UNC5C: variants seen among roughly 807,000 people sequenced by gnomAD.
The protein encoded by UNC5C is netrin receptor UNC5C.
UNC5C carries 47 observed loss-of-function variants against 99.8 expected under a neutral mutation model. The ratio of observed to expected loss-of-function variants is 0.47; its 90% CI spans 0.37 to 0.60. UNC5C has a LOEUF of 0.60. UNC5C is among the 20% of genes least tolerant of loss of function. The probability of loss-of-function intolerance (pLI) is 0.00; values close to 1 mark genes in which losing one functional copy is unlikely to be tolerated. For missense variants in UNC5C, 1,062 were observed against 1,165.9 expected (o/e 0.91, Z 1.30); for synonymous variants, 487 against 452.2 (o/e 1.08, Z -0.98).
chr4:95,504,946 T>C (rs1331829144), intron 1 of UNC5C, among the ~76,000 whole-genome samples: 1 of 152,128 alleles, frequency 6.6e-6, no homozygotes, highest in Non-Finnish European at 1.5e-5. Flanking sequence ...AAAACTTCTA[T>C]ATTTTTAAGG....
At chr4:95,468,659 T>G (rs371911627) in intron 1 of UNC5C, among the ~76,000 whole-genome samples, 6 of 152,266 alleles carry the variant, frequency 3.9e-5, no homozygotes, top group Middle Eastern at 3.4e-3. Context: ...TAATGTTCTC[T>G]CTATGGAGGT....
At chr4:95,425,899 A>G (rs555037868) in intron 1 of UNC5C, among the ~76,000 whole-genome samples, 6 of 152,234 alleles carry the variant, frequency 3.9e-5, no homozygotes, top group Admixed American at 3.9e-4. Context: ...TTAAATTTTT[A>G]TTATAACTTC....
At position 95,168,179 on chromosome 4, in the gene UNC5C, C is replaced by T. The variant is rs1429225484; in HGVS notation, c.*1055G>A. ...GACTCCTCAGAGGAGAAAGAAAGACCCTGCCTGAGCAAGCTGAAGGAACAG... is the reference window on the plus strand; with the variant it reads ...GACTCCTCAGAGGAGAAAGAAAGACTCTGCCTGAGCAAGCTGAAGGAACAG... On this transcript the variant is annotated 3_prime_UTR_variant, in exon 16 of 16. Transcript: ENST00000453304. 2 of 152,082 alleles carry T rather than the reference C, an allele frequency of 1.3e-5. No individual in the cohort carries two copies. The highest frequency in any genetic ancestry group is 2.4e-5 in the African/African-American group (1 of 41,414). The allele number at this position is 152,082 out of a possible 1,614,324, so 9.4% of individuals were successfully genotyped here. A position where few individuals can be genotyped will look rare whatever the true frequency, so the allele number is the denominator to read the frequency against.
chr4:95,433,122 G>A (rs959340397), intron 1 of UNC5C, among the ~76,000 whole-genome samples: 2 of 152,064 alleles, frequency 1.3e-5, no homozygotes, highest in Admixed American at 6.6e-5. Context: ...CAGGTACTGG[G>A]TGGACAGTTG....
intron 1 of UNC5C, among the ~76,000 whole-genome samples, chr4:95,516,498 A>G (rs558325234): frequency 8.1e-4 from 123 of 152,278 alleles, no homozygotes; most frequent in African/African-American, 2.8e-3. Flanking sequence ...TTCAGATTAC[A>G]AAGACCAAAT....
chr4:95,380,304 G>T (rs1313160567), intron 1 of UNC5C, among the ~76,000 whole-genome samples: 1 of 152,080 alleles, frequency 6.6e-6, no homozygotes, highest in Admixed American at 6.6e-5. Flanking sequence ...AAAAGTCAAG[G>T]TGATCAGTTT....
intron 1 of UNC5C, among the ~76,000 whole-genome samples, chr4:95,352,557 G>A (rs931989032): frequency 1.3e-5 from 2 of 151,964 alleles, no homozygotes; most frequent in African/African-American, 4.8e-5. Flanking sequence ...AAGCTTTATG[G>A]GATCAGAAAC....
rs1365638204 is a variant in UNC5C, at chr4:95,165,535, T to C, written c.*3699A>G. ...GCCAGTTATCAATTCTGAATCCAAC[T>C]TCTATTCCTTCCAGATACATTAAGG... is the stretch of plus-strand genomic sequence containing the variant. On this transcript the variant is annotated 3_prime_UTR_variant, in exon 16 of 16. Coordinates refer to ENST00000453304, the MANE Select transcript of UNC5C (RefSeq NM_003728.4). 2 of 152,184 alleles carry C rather than the reference T, an allele frequency of 1.3e-5. No individual in the cohort carries two copies. The highest frequency in any genetic ancestry group is 4.8e-5 in the African/African-American group (2 of 41,448). 9.4% of individuals were successfully genotyped at this position (152,184 alleles called of 1,614,324 possible).
chr4:95,171,345 C>T (rs1358086590), intron 14 of UNC5C, among the ~76,000 whole-genome samples: 3 of 151,388 alleles, frequency 2.0e-5, no homozygotes. Context: ...AACTCATCAT[C>T]TAGCATTAGG....
chr4:95,419,907 GT>G (rs1424755641), intron 1 of UNC5C, among the ~76,000 whole-genome samples: 3 of 152,158 alleles, frequency 2.0e-5, no homozygotes, highest in African/African-American at 7.2e-5. Flanking sequence ...TAGCTCAGAT[GT>G]TCTTACAGAA....
chr4:95,442,817 TACAC>T (rs10578644), intron 1 of UNC5C, among the ~76,000 whole-genome samples: 11 of 150,236 alleles, frequency 7.3e-5, no homozygotes, highest in Admixed American at 1.3e-4. Context: ...TGTGCGCCAA[TACAC>T]ACACACACAC....
intron 1 of UNC5C, among the ~76,000 whole-genome samples, chr4:95,397,327 T>C (rs1745544289): frequency 6.6e-6 from 1 of 152,238 alleles, no homozygotes; most frequent in Non-Finnish European, 1.5e-5. Flanking sequence ...GCACCACCCT[T>C]GTATTTTCAA....
At chr4:95,338,739 C>A (rs2149422615) in intron 1 of UNC5C, among the ~76,000 whole-genome samples, 1 of 152,138 alleles carries the variant, frequency 6.6e-6, no homozygotes, top group South Asian at 2.1e-4. Context: ...GAATATTATA[C>A]TAATGGCAAC....
chr4:95,478,993 C>T (rs1377066975), intron 1 of UNC5C, among the ~76,000 whole-genome samples: 6 of 151,968 alleles, frequency 3.9e-5, no homozygotes, highest in Non-Finnish European at 5.9e-5. Flanking sequence ...CTCTCCTCGC[C>T]TTCCGCTACT....
At chr4:95,467,108 G>A (rs927208030) in intron 1 of UNC5C, among the ~76,000 whole-genome samples, 18 of 152,122 alleles carry the variant, frequency 1.2e-4, no homozygotes, top group Admixed American at 9.8e-4. Flanking sequence ...CTCCAGCCCT[G>A]GTCAAGCTTT....
intron 1 of UNC5C, among the ~76,000 whole-genome samples, chr4:95,525,003 A>G (rs1722461454): frequency 6.6e-6 from 1 of 152,152 alleles, no homozygotes; most frequent in Non-Finnish European, 1.5e-5. Context: ...TTTTTTAAAA[A>G]TGATGCCAAA....
chr4:95,526,807 G>A (rs915042912), intron 1 of UNC5C, among the ~76,000 whole-genome samples: 1 of 151,762 alleles, frequency 6.6e-6, no homozygotes, highest in Admixed American at 6.6e-5. Flanking sequence ...TACTCATGTG[G>A]ATTGAAAAAA....
intron 4 of UNC5C, among the ~76,000 whole-genome samples, chr4:95,256,281 G>A (rs1246548369): frequency 6.6e-6 from 1 of 152,074 alleles, no homozygotes; most frequent in African/African-American, 2.4e-5. Context: ...ATATCCAACT[G>A]TCTTCATGCA....
At chr4:95,187,412 A>G (rs3755880) in intron 12 of UNC5C, among the ~76,000 whole-genome samples, 106,870 of 152,054 alleles carry the variant, frequency 0.7, 37,892 homozygotes, top group Middle Eastern at 0.84. Flanking sequence ...ATTGTATTCC[A>G]GGAGGTAATT....
Sources: gnomAD v4.1 joint callset for allele counts (sites outside exome capture counted in the v4.1 genomes callset) on GRCh38, gnomAD v4.1.1 for gene constraint, MANE v1.5 for transcripts, NCBI Gene and HGNC (gene_info 2026-07-23, HGNC 2026-07-21) for gene names.